TECPR2: variants seen among roughly 807,000 people sequenced by gnomAD.
The protein encoded by TECPR2 is tectonin beta-propeller repeat containing 2, also known as tectonin beta-propeller repeat-containing protein 2.
A neutral mutation model predicts 138.1 loss-of-function variants in TECPR2; 65 were observed. The observed-to-expected ratio is 0.47, with a 90% CI of 0.39 to 0.58. TECPR2 has a LOEUF of 0.58. Among genes scored for constraint, TECPR2 ranks in the 20% least tolerant of loss-of-function variants. The pLI is 0.00. For missense variants in TECPR2, 1,553 were observed against 1,824.5 expected (o/e 0.85, Z 2.71); for synonymous variants, 746 against 749.8 (o/e 0.99, Z 0.08).
intron 2 of TECPR2, among the ~76,000 whole-genome samples, chr14:102,385,472 G>A (rs986380453): frequency 1.3e-5 from 2 of 152,160 alleles, no homozygotes; most frequent in Non-Finnish European, 2.9e-5. Context: ...CTGTGACATG[G>A]TAGAACAGCA....
intron 1 of TECPR2, among the ~76,000 whole-genome samples, chr14:102,371,700 G>A (rs1385159602): frequency 6.6e-6 from 1 of 152,140 alleles, no homozygotes; most frequent in Non-Finnish European, 1.5e-5. Context: ...ACCTCTTGCA[G>A]TGTACTCCAA....
intron 6 of TECPR2, among the ~76,000 whole-genome samples, chr14:102,427,778 T>C (rs570355747): frequency 1.3e-5 from 2 of 152,064 alleles, no homozygotes; most frequent in Non-Finnish European, 2.9e-5. Flanking sequence ...AGCGGAAGTT[T>C]GGATGAGGTG....
At chr14:102,386,574 T>C (rs550202430) in intron 2 of TECPR2, among the ~76,000 whole-genome samples, 1 of 152,242 alleles carries the variant, frequency 6.6e-6, no homozygotes, top group Non-Finnish European at 1.5e-5. Context: ...TGTAAACACA[T>C]AGGAAAAGGT....
intron 11 of TECPR2, among the ~76,000 whole-genome samples, chr14:102,441,808 CA>C (rs1889843819): frequency 6.6e-6 from 1 of 152,220 alleles, no homozygotes; most frequent in Admixed American, 6.5e-5. Context: ...GCTGTAATGA[CA>C]GTCAGTGTTT....
intron 17 of TECPR2, among the ~76,000 whole-genome samples, chr14:102,470,639 CTTTTTTTT>C (rs200949179): frequency 7.4e-6 from 1 of 136,018 alleles, no homozygotes; most frequent in African/African-American, 2.7e-5. Flanking sequence ...TCTTCTTCTT[CTTTTTTTT>C]TTTTTTTTTG....
At chr14:102,403,318 G>C (rs1888547745) in intron 2 of TECPR2, among the ~76,000 whole-genome samples, 2 of 152,154 alleles carry the variant, frequency 1.3e-5, no homozygotes, top group Non-Finnish European at 2.9e-5. Flanking sequence ...AAAAGCACTT[G>C]ACAAAATTCA....
chr14:102,363,055 G>T lies in TECPR2; in HGVS notation c.-134G>T, dbSNP rs944427215. The T allele has an allele frequency of 8.5e-6, 5 of 588,476 alleles. No individual in the cohort carries two copies. Among genetic ancestry groups the T allele is most frequent in the African/African-American group, 2.0e-5 (1 of 50,962 alleles). 36.5% of individuals were successfully genotyped at this position (588,476 alleles called of 1,614,324 possible). A position where few individuals can be genotyped will look rare whatever the true frequency, so the allele number is the denominator to read the frequency against. ...GGCTCCCGGCAGCCCCCGCGGCCCGGAGTCCATCCCGCCTCCTCCGGCCCG... is the reference window on the plus strand; with the variant it reads ...GGCTCCCGGCAGCCCCCGCGGCCCGTAGTCCATCCCGCCTCCTCCGGCCCG... On this transcript the variant is annotated 5_prime_UTR_variant, in exon 1 of 20. Transcript: ENST00000359520.
intron 3 of TECPR2, 62 bp from the exon 4 acceptor site, chr14:102,408,425 AG>A: frequency 6.6e-7 from 1 of 1,526,096 alleles, no homozygotes; most frequent in Non-Finnish European, 8.8e-7. Flanking sequence ...TTTTCCATGT[AG>A]CCCCAGCTCA....
At position 102,414,191 on chromosome 14, in the gene TECPR2, T is replaced by C. The variant is rs140477915; in HGVS notation, c.481-445T>C. Among the ~76,000 whole-genome samples, 515 of 152,324 alleles carry C rather than the reference T, an allele frequency of 3.4e-3. 5 individuals are homozygous for C. The highest frequency in any genetic ancestry group is 0.012 in the African/African-American group (486 of 41,568). On this transcript the variant is annotated intron_variant, in intron 4 of 19. Transcript: ENST00000359520. ...TATGAACTTACAGAGCTGATTATTG[T>C]CGCAATAATTTTATAGAATGTTCCA...
At chr14:102,401,804 CAAAA>C (rs34413626) in intron 2 of TECPR2, among the ~76,000 whole-genome samples, 2 of 68,954 alleles carry the variant, frequency 2.9e-5, no homozygotes, top group African/African-American at 5.6e-5. Flanking sequence ...GACTCCGTCT[CAAAA>C]AAAAAAAAAA....
intron 10 of TECPR2, among the ~76,000 whole-genome samples, chr14:102,438,836 AT>A (rs1319280644): frequency 1.4e-5 from 2 of 148,136 alleles, no homozygotes; most frequent in East Asian, 3.9e-4. Flanking sequence ...GCATGGAATC[AT>A]TTGCTTGCTT....
chr14:102,417,363 G>A (rs966724160), intron 5 of TECPR2, among the ~76,000 whole-genome samples: 1 of 152,244 alleles, frequency 6.6e-6, no homozygotes, highest in Non-Finnish European at 1.5e-5. Context: ...GTGGAGGCGT[G>A]ACAGCAAGTA....
At chr14:102,451,918 C>G (rs1301483890) in intron 15 of TECPR2, among the ~76,000 whole-genome samples, 1 of 152,082 alleles carries the variant, frequency 6.6e-6, no homozygotes, top group Non-Finnish European at 1.5e-5. Context: ...ACCCCCCGGC[C>G]CCATCCCCAG....
At chr14:102,428,128 A>G (rs1475839782) in intron 6 of TECPR2, 122 bp from the exon 7 acceptor site, 13 of 1,277,660 alleles carry the variant, frequency 1.0e-5, no homozygotes, top group African/African-American at 1.5e-5. Context: ...GAAAGTTACC[A>G]TAGTAAAGTG....
chr14:102,474,458 C>G (rs578153807), intron 17 of TECPR2, among the ~76,000 whole-genome samples: 17 of 151,760 alleles, frequency 1.1e-4, no homozygotes, highest in African/African-American at 3.9e-4. Flanking sequence ...AACCCCGTCT[C>G]TACTAAAAAT....
intron 17 of TECPR2, 125 bp from the exon 18 acceptor site, chr14:102,496,854 C>T (rs1454571134): frequency 5.6e-6 from 8 of 1,440,778 alleles, no homozygotes; most frequent in Non-Finnish European, 6.6e-6. Flanking sequence ...GGCCTCTCTG[C>T]CTCCTGCGGG....
intron 5 of TECPR2, among the ~76,000 whole-genome samples, chr14:102,417,936 G>A (rs1359021116): frequency 1.3e-5 from 2 of 150,986 alleles, no homozygotes; most frequent in Admixed American, 6.6e-5. Context: ...CAGGGGAGCC[G>A]CAGGGAGGCA....
intron 4 of TECPR2, among the ~76,000 whole-genome samples, chr14:102,410,279 G>A (rs1212742527): frequency 6.0e-5 from 9 of 150,852 alleles, no homozygotes; most frequent in Non-Finnish European, 1.2e-4. Flanking sequence ...ATAGAAGATG[G>A]CTGGATTCTC....
At chr14:102,391,680 C>G (rs71415894) in intron 2 of TECPR2, among the ~76,000 whole-genome samples, 2 of 152,152 alleles carry the variant, frequency 1.3e-5, no homozygotes, top group African/African-American at 4.8e-5. Context: ...AGCTGGCATC[C>G]TAAGCACCTT....
Sources: gnomAD v4.1 joint callset for allele counts (sites outside exome capture counted in the v4.1 genomes callset) on GRCh38, gnomAD v4.1.1 for gene constraint, MANE v1.5 for transcripts, NCBI Gene and HGNC (gene_info 2026-07-23, HGNC 2026-07-21) for gene names.